SYNE2: variants seen among roughly 807,000 people sequenced by gnomAD.
SYNE2 encodes spectrin repeat containing nuclear envelope protein 2.
SYNE2 carries 431 observed loss-of-function variants against 856.3 expected under a neutral mutation model. The observed-to-expected ratio is 0.50, with a 90% confidence interval of 0.47 to 0.55. SYNE2 has a LOEUF of 0.55. SYNE2 is among the 20% of genes least tolerant of loss of function. The pLI is 0.00. For missense variants in SYNE2, 8,129 were observed against 8,023.2 expected, an observed-to-expected ratio of 1.01 and a Z score of -0.50; for synonymous variants, 2,923 against 2,872.3, an observed-to-expected ratio of 1.02 and a Z score of -0.56.
chr14:63,963,989 A>G lies in SYNE2; in HGVS notation c.979A>G (p.Lys327Glu), dbSNP rs1490440041. 2 of 1,584,694 alleles carry G rather than the reference A, an allele frequency of 1.3e-6. No homozygotes were observed. Among genetic ancestry groups the G allele is most frequent in the South Asian group, 2.2e-5 (2 of 90,098 alleles). Residue 327 changes from lysine (K) to glutamate (E), a missense_variant, in exon 10 of 116, where the codon AAA (lysine) becomes GAA (glutamate). This residue lies in a region of SYNE2 where 2,422 missense variants were observed against 2,357.4 expected (regional missense o/e 1.03). Transcript: ENST00000555002. ...GGATTCAGAGAATGATACCTACTTT[A>G]AAAAGTATAATGTAAGTATGATTTT... Reference protein sequence around the residue: ...LKDSENDTYFKKYNSLLSFME... With the variant: ...LKDSENDTYFEKYNSLLSFME...
intron 70 of SYNE2, among the ~76,000 whole-genome samples, chr14:64,123,870 A>T (rs933989582): frequency 1.1e-5 from 1 of 93,816 alleles, no homozygotes; most frequent in Non-Finnish European, 1.8e-5. Context: ...TAATGATTTC[A>T]CACACACACA....
At chr14:63,808,017 C>T (rs1364250313) in intron 1 of SYNE2, among the ~76,000 whole-genome samples, 1 of 118,326 alleles carries the variant, frequency 8.5e-6, no homozygotes, top group South Asian at 3.0e-4. Context: ...CACCCTCCCA[C>T]CCTTCCTCCT....
chr14:64,126,209 A>G, intron 71 of SYNE2, 118 bp from the exon 72 acceptor site: 1 of 878,360 alleles, frequency 1.1e-6, no homozygotes, highest in South Asian at 1.5e-5. Context: ...CGTTTGAAGC[A>G]ACTTATTACA....
intron 1 of SYNE2, among the ~76,000 whole-genome samples, chr14:63,903,841 A>G (rs774379443): frequency 4.8e-5 from 7 of 146,762 alleles, no homozygotes; most frequent in Middle Eastern, 3.2e-3. Context: ...GAGACATTCT[A>G]TATATTTTTT....
chr14:64,210,943 C>T (rs1003759016), intron 103 of SYNE2, among the ~76,000 whole-genome samples: 26 of 152,092 alleles, frequency 1.7e-4, no homozygotes, highest in Admixed American at 6.5e-5. Context: ...CTTCCTGTCT[C>T]TCTCTCCTTT....
chr14:64,087,093 T>TAAAAAAAAAAA (rs56917782), intron 57 of SYNE2, among the ~76,000 whole-genome samples: 3 of 98,424 alleles, frequency 3.0e-5, no homozygotes, highest in Admixed American at 1.2e-4. Flanking sequence ...TGATAATTGG[T>TAAAAAAAAAAA]AAAAAAAAAA....
intron 73 of SYNE2, among the ~76,000 whole-genome samples, chr14:64,127,505 A>G (rs1283509893): frequency 6.6e-6 from 1 of 152,200 alleles, no homozygotes; most frequent in African/African-American, 2.4e-5. Context: ...CTTGTATTAC[A>G]TTTAGCCATT....
At chr14:63,920,383 C>T (rs1032457098) in intron 2 of SYNE2, among the ~76,000 whole-genome samples, 8 of 151,172 alleles carry the variant, frequency 5.3e-5, no homozygotes, top group Admixed American at 2.0e-4. Flanking sequence ...GAAGATGCTG[C>T]GGGCAGGAGA....
intron 101 of SYNE2, chr14:64,209,149 T>G: frequency 2.4e-6 from 2 of 848,962 alleles, no homozygotes; most frequent in Non-Finnish European, 3.7e-6. Flanking sequence ...CTGTGTGGGG[T>G]GTGGCTGTGG....
At chr14:63,921,378 T>A (rs1433449563) in intron 2 of SYNE2, among the ~76,000 whole-genome samples, 5 of 152,034 alleles carry the variant, frequency 3.3e-5, no homozygotes, top group Non-Finnish European at 2.9e-5. Flanking sequence ...AGTGTGTAAA[T>A]GGCAATTTGT....
chr14:64,127,987 A>G (rs1375216681), intron 73 of SYNE2, among the ~76,000 whole-genome samples: 1 of 152,246 alleles, frequency 6.6e-6, no homozygotes, highest in Non-Finnish European at 1.5e-5. Context: ...TTTATCCATC[A>G]TGACATGTGG....
chr14:63,809,511 C>T (rs1888529709), intron 1 of SYNE2, among the ~76,000 whole-genome samples: 1 of 152,184 alleles, frequency 6.6e-6, no homozygotes, highest in Non-Finnish European at 1.5e-5. Flanking sequence ...GGGCCTCTCC[C>T]TGTTACCAAG....
intron 1 of SYNE2, among the ~76,000 whole-genome samples, chr14:63,862,088 T>A (rs1238617324): frequency 6.6e-6 from 1 of 152,180 alleles, no homozygotes; most frequent in African/African-American, 2.4e-5. Context: ...CCTTAAATAA[T>A]TGGATTTTAA....
At chr14:64,016,778 AG>A in intron 33 of SYNE2, 147 bp downstream of exon 33, 1 of 633,158 alleles carries the variant, frequency 1.6e-6, no homozygotes, top group South Asian at 2.1e-5. Context: ...TTTTAACCCC[AG>A]AGTTGGGACT....
chr14:63,999,966 C>T (rs7159878), intron 27 of SYNE2, among the ~76,000 whole-genome samples: 72,803 of 151,892 alleles, frequency 0.48, 17,697 homozygotes, highest in African/African-American at 0.56. Flanking sequence ...CTCCAGTGAC[C>T]GAATAATGAG....
chr14:64,076,144 A>ATGAC (rs753590762), intron 54 of SYNE2, 44 bp downstream of exon 54: 4 of 1,598,886 alleles, frequency 2.5e-6, no homozygotes, highest in Non-Finnish European at 3.4e-6. Flanking sequence ...ACGGAGCTGA[A>ATGAC]TGACTATCAG....
At chr14:64,055,566 A>G (rs979594496) in intron 48 of SYNE2, among the ~76,000 whole-genome samples, 9 of 151,834 alleles carry the variant, frequency 5.9e-5, no homozygotes, top group Non-Finnish European at 2.9e-5. Flanking sequence ...ATGGGGTTTC[A>G]CCATACTGGC....
At chr14:63,835,348 A>G (rs1889813313) in intron 1 of SYNE2, among the ~76,000 whole-genome samples, 1 of 152,072 alleles carries the variant, frequency 6.6e-6, no homozygotes, top group Non-Finnish European at 1.5e-5. Context: ...ATTCTCCAGC[A>G]TCAGCCTCCT....
intron 30 of SYNE2, 43 bp downstream of exon 30, chr14:64,003,373 T>G (rs369302807): frequency 1.1e-5 from 17 of 1,611,968 alleles, no homozygotes; most frequent in African/African-American, 1.3e-5. Flanking sequence ...GACTGACATC[T>G]TTCTGTATTT....
Sources: allele counts gnomAD v4.1 joint callset (sites outside exome capture counted in the v4.1 genomes callset), GRCh38; gene constraint gnomAD v4.1.1; regional missense constraint gnomAD v4.1.1; transcripts MANE v1.5; gene names NCBI Gene and HGNC (gene_info 2026-07-23, HGNC 2026-07-21).